MYO10: variants seen among roughly 807,000 people sequenced by gnomAD.
MYO10 encodes the protein myosin X, also known as unconventional myosin-X.
Under a neutral mutation model 257.3 loss-of-function variants are expected in MYO10, and 133 were observed. That is an observed-to-expected ratio of 0.52 (90% CI 0.45 to 0.60). MYO10 has a LOEUF of 0.60. MYO10 is among the 20% of genes least tolerant of loss of function. The pLI, the probability that MYO10 is intolerant of heterozygous loss-of-function variation, is 0.00. For missense variants in MYO10, 2,399 were observed against 2,635.7 expected (o/e 0.91, Z 1.97); for synonymous variants, 1,104 against 1,028.6 (o/e 1.07, Z -1.40).
chr5:16,816,894 A>ACTG (rs1742633906), intron 3 of MYO10, among the ~76,000 whole-genome samples: 1 of 150,668 alleles, frequency 6.6e-6, no homozygotes, highest in Admixed American at 6.6e-5. Context: ...ATCTTGGCTC[A>ACTG]CTGCAACCTC....
chr5:16,808,554 C>A (rs1425819443), intron 3 of MYO10, among the ~76,000 whole-genome samples: 1 of 152,068 alleles, frequency 6.6e-6, no homozygotes, highest in Non-Finnish European at 1.5e-5. Flanking sequence ...AAAATTAAAC[C>A]ATCTCAAGAG....
intron 9 of MYO10, among the ~76,000 whole-genome samples, chr5:16,776,425 T>C (rs1384856690): frequency 1.3e-5 from 2 of 152,138 alleles, no homozygotes; most frequent in Admixed American, 6.6e-5. Context: ...TCAGCTAAGT[T>C]TTCATTGATA....
intron 2 of MYO10, among the ~76,000 whole-genome samples, chr5:16,867,706 T>C (rs1744322027): frequency 6.6e-6 from 1 of 152,170 alleles, no homozygotes; most frequent in Non-Finnish European, 1.5e-5. Context: ...TGATTATAAA[T>C]AATTAGTGCT....
At position 16,663,328 on chromosome 5, in the gene MYO10, G is replaced by GTTTTTTTTTTTTT. The variant is rs70940395; in HGVS notation, c.*3351_*3363dup. ...AAAAAGTAACATTTTACTTCTAGTT[G>GTTTTTTTTTTTTT]TTTTTTTTTTTTTTTTTTTTTTTTT... On this transcript the variant is annotated 3_prime_UTR_variant, in exon 41 of 41. Coordinates refer to ENST00000513610, the MANE Select transcript of MYO10 (RefSeq NM_012334.3). 4 of 76,886 alleles carry GTTTTTTTTTTTTT rather than the reference G, an allele frequency of 5.2e-5. 1 individual carries two copies. Among genetic ancestry groups the GTTTTTTTTTTTTT allele is most frequent in the African/African-American group, 1.9e-4 (3 of 15,522 alleles). 4.8% of individuals were successfully genotyped at this position (76,886 alleles called of 1,614,324 possible). A position where few individuals can be genotyped will look rare whatever the true frequency, so the allele number is the denominator to read the frequency against.
chr5:16,673,239 T>G (rs1736556586), intron 36 of MYO10, among the ~76,000 whole-genome samples: 3 of 147,240 alleles, frequency 2.0e-5, no homozygotes, highest in African/African-American at 5.0e-5. Flanking sequence ...GTCGGGGTGG[T>G]GGTTATTGGA....
At chr5:16,843,504 G>A (rs1012522180) in intron 2 of MYO10, among the ~76,000 whole-genome samples, 2 of 152,260 alleles carry the variant, frequency 1.3e-5, no homozygotes, top group Non-Finnish European at 2.9e-5. Flanking sequence ...CAGTTAGTAA[G>A]CAGCAGGCAG....
At chr5:16,767,262 C>T (rs971421235) in intron 10 of MYO10, among the ~76,000 whole-genome samples, 2 of 149,462 alleles carry the variant, frequency 1.3e-5, no homozygotes, top group African/African-American at 4.9e-5. Context: ...CCTCCGCGTC[C>T]TGGGTTCAAG....
chr5:16,730,844 C>A (rs1240697509), intron 19 of MYO10, among the ~76,000 whole-genome samples: 1 of 152,048 alleles, frequency 6.6e-6, no homozygotes, highest in Non-Finnish European at 1.5e-5. Flanking sequence ...GGATGCAGCA[C>A]GCTGCGGAGG....
At position 16,923,663 on chromosome 5, in the gene MYO10, TACACAC is replaced by T. The variant is rs60949830; in HGVS notation, c.21+12119_21+12124del. 2.6e-3 allele frequency among the ~76,000 whole-genome samples: 370 copies of T among 140,726 alleles called. 3 individuals are homozygous for T. Among genetic ancestry groups the T allele is most frequent in the Non-Finnish European group, 4.3e-3 (274 of 64,222 alleles). 92.3% of individuals were successfully genotyped at this position (140,726 alleles called of 152,430 possible). On this transcript the variant is annotated intron_variant, in intron 1 of 40. Transcript: ENST00000513610. ...AAATAATAAGCCTTAAACACGCCCA[TACACAC>T]ACACACACACACACACACACACACA...
chr5:16,768,875 C>T (rs1003372485), intron 10 of MYO10, among the ~76,000 whole-genome samples, 199 bp downstream of exon 10: 10 of 151,760 alleles, frequency 6.6e-5, no homozygotes, highest in Non-Finnish European at 1.5e-4. Context: ...GGGGTTTGGC[C>T]ACATTGCCCA....
At chr5:16,915,662 T>C (rs1745793505) in intron 1 of MYO10, among the ~76,000 whole-genome samples, 1 of 152,124 alleles carries the variant, frequency 6.6e-6, no homozygotes, top group Non-Finnish European at 1.5e-5. Context: ...TGCAAAGAAA[T>C]CACTCACCAT....
chr5:16,705,142 A>C (rs1163938364), intron 21 of MYO10, among the ~76,000 whole-genome samples: 2 of 152,102 alleles, frequency 1.3e-5, no homozygotes, highest in African/African-American at 4.8e-5. Context: ...CTAAAACGTT[A>C]TTTTGCCTTT....
At position 16,766,123 on chromosome 5, in the gene MYO10, A is replaced by G; in HGVS notation, c.1136T>C (p.Phe379Ser). Residue 379 changes from phenylalanine to serine, a missense_variant, in exon 11 of 41, where the codon TTC (phenylalanine) becomes TCC (serine). By Grantham distance (155) the Phe-to-Ser change is radical. This residue lies in a region of MYO10 where 337 missense variants were observed against 446.8 expected (regional missense o/e 0.75). Coordinates refer to ENST00000513610, the MANE Select transcript of MYO10 (RefSeq NM_012334.3). Reference protein sequence around the residue: ...LTDALTQRSMFLRGEEILTPL... With the variant: ...LTDALTQRSMSLRGEEILTPL... ...CGTGAGGATCTCTTCTCCCCTGAGG[A>G]ACATTGATCTCTGGGTCAAAGCATC... 1 of 1,613,736 alleles carries G rather than the reference A, an allele frequency of 6.2e-7. No homozygotes were observed. The highest frequency in any genetic ancestry group is 1.1e-5 in the South Asian group (1 of 91,078).
intron 39 of MYO10, 141 bp from the exon 40 acceptor site, chr5:16,668,609 C>T (rs1332072227): frequency 1.7e-6 from 1 of 590,470 alleles, no homozygotes; most frequent in East Asian, 3.1e-5. Context: ...CATGGAGGGG[C>T]CTGAAATATG....
chr5:16,913,611 G>A (rs1014226866), intron 1 of MYO10, among the ~76,000 whole-genome samples: 3 of 152,184 alleles, frequency 2.0e-5, no homozygotes, highest in Admixed American at 6.5e-5. Flanking sequence ...CTACTGACCT[G>A]CCTGCTTACA....
Position 16,666,298 on chromosome 5 carries a change from C to T in MYO10, c.*394G>A, listed in dbSNP as rs2008097. On this transcript the variant is annotated 3_prime_UTR_variant, in exon 41 of 41. Coordinates refer to ENST00000513610, the MANE Select transcript of MYO10 (RefSeq NM_012334.3). ...TAGTGCATCATTGACAGAGAATGCC[C>T]CCCTTCCACGCTCTGTTAAGTCTCC... The T allele has an allele frequency of 9.8e-3, 1,652 of 167,882 alleles. 43 individuals carry two copies. Among genetic ancestry groups the T allele is most frequent in the African/African-American group, 0.037 (1,577 of 42,176 alleles). 10.4% of individuals were successfully genotyped at this position (167,882 alleles called of 1,614,324 possible). A position where few individuals can be genotyped will look rare whatever the true frequency, so the allele number is the denominator to read the frequency against.
chr5:16,753,191 C>G (rs919614817), intron 19 of MYO10, among the ~76,000 whole-genome samples: 37 of 152,130 alleles, frequency 2.4e-4, no homozygotes, highest in African/African-American at 8.4e-4. Flanking sequence ...TGTTTTGAGA[C>G]AGTCTAGCTC....
At chr5:16,743,458 C>G (rs554425593) in intron 19 of MYO10, among the ~76,000 whole-genome samples, 5 of 152,186 alleles carry the variant, frequency 3.3e-5, no homozygotes, top group African/African-American at 1.2e-4. Context: ...CCCTGGCCAA[C>G]ATGATGAAAT....
intron 1 of MYO10, among the ~76,000 whole-genome samples, chr5:16,934,548 G>A (rs1746381305): frequency 6.6e-6 from 1 of 152,194 alleles, no homozygotes; most frequent in Non-Finnish European, 1.5e-5. Flanking sequence ...CTATGGACTA[G>A]AAAATGCGAG....
Sources: gnomAD v4.1 joint callset for allele counts (sites outside exome capture counted in the v4.1 genomes callset) on GRCh38, gnomAD v4.1.1 for gene constraint, gnomAD v4.1.1 regional missense constraint, MANE v1.5 for transcripts, NCBI Gene and HGNC (gene_info 2026-07-23, HGNC 2026-07-21) for gene names.